MACROD2: variants seen among roughly 807,000 people sequenced by gnomAD.
The protein encoded by MACROD2 is ADP-ribose glycohydrolase MACROD2.
Under a neutral mutation model 70.4 loss-of-function variants are expected in MACROD2, and 36 were observed. The observed-to-expected ratio is 0.51, with a 90% confidence interval of 0.39 to 0.68. The LOEUF (loss-of-function observed/expected upper bound fraction) is 0.68. Among genes scored for constraint, MACROD2 ranks in the 30% least tolerant of loss-of-function variants. MACROD2 has a pLI of 0.00. For missense variants in MACROD2, 496 were observed against 538.4 expected (o/e 0.92, Z 0.78); for synonymous variants, 172 against 178.8 (o/e 0.96, Z 0.30).
chr20:15,163,834 G>A (rs2076364537), intron 5 of MACROD2, among the ~76,000 whole-genome samples: 1 of 151,964 alleles, frequency 6.6e-6, no homozygotes, highest in Admixed American at 6.6e-5. Flanking sequence ...ATAGGCCATA[G>A]AGAAAAGTCC....
intron 8 of MACROD2, among the ~76,000 whole-genome samples, chr20:15,637,293 T>A (rs2049384981): frequency 6.6e-6 from 1 of 152,208 alleles, no homozygotes; most frequent in Admixed American, 6.5e-5. Context: ...TAGGGGTAAG[T>A]GTGAAATCAA....
At chr20:15,643,638 A>G (rs751252343) in intron 8 of MACROD2, among the ~76,000 whole-genome samples, 52 of 152,230 alleles carry the variant, frequency 3.4e-4, no homozygotes, top group Admixed American at 1.8e-3. Context: ...TATGATAAAT[A>G]TTTAATGAAT....
At chr20:15,832,549 C>T (rs1490570542) in intron 8 of MACROD2, among the ~76,000 whole-genome samples, 3 of 152,204 alleles carry the variant, frequency 2.0e-5, no homozygotes, top group South Asian at 4.1e-4. Flanking sequence ...GCCATTGCCA[C>T]AGGTGCCCCT....
intron 8 of MACROD2, among the ~76,000 whole-genome samples, chr20:15,554,546 CAA>C (rs201068996): frequency 4.9e-4 from 44 of 89,742 alleles, no homozygotes; most frequent in Non-Finnish European, 5.5e-4. Flanking sequence ...CCTATTTGGC[CAA>C]AAAAAAAAAA....
intron 5 of MACROD2, among the ~76,000 whole-genome samples, chr20:14,691,304 C>T (rs1475537659): frequency 6.6e-6 from 1 of 152,172 alleles, no homozygotes; most frequent in African/African-American, 2.4e-5. Context: ...TTATTCAGAT[C>T]AAAGTTGATA....
intron 8 of MACROD2, among the ~76,000 whole-genome samples, chr20:15,735,541 T>A (rs920798439): frequency 1.3e-5 from 2 of 152,204 alleles, no homozygotes; most frequent in East Asian, 1.9e-4. Context: ...GCTGTTTCAT[T>A]TGAAACAGTT....
chr20:15,509,352 A>G (rs377320987), intron 8 of MACROD2, among the ~76,000 whole-genome samples: 1 of 152,208 alleles, frequency 6.6e-6, no homozygotes, highest in African/African-American at 2.4e-5. Context: ...GCCAGTGCTG[A>G]GGAGAGACTA....
intron 7 of MACROD2, among the ~76,000 whole-genome samples, chr20:15,452,627 T>A (rs1439329085): frequency 6.6e-6 from 1 of 152,178 alleles, no homozygotes; most frequent in Non-Finnish European, 1.5e-5. Context: ...ATAATAACGC[T>A]GCCTCTGTTC....
intron 5 of MACROD2, among the ~76,000 whole-genome samples, chr20:14,840,792 A>G (rs894142244): frequency 1.3e-5 from 2 of 152,102 alleles, no homozygotes; most frequent in African/African-American, 4.8e-5. Context: ...CTCTTATCTG[A>G]AAGCTCATCA....
intron 4 of MACROD2, among the ~76,000 whole-genome samples, chr20:14,652,948 A>G (rs966321234): frequency 3.3e-5 from 5 of 152,148 alleles, no homozygotes; most frequent in Non-Finnish European, 4.4e-5. Context: ...TATGGTGAGG[A>G]CTAAGGTTTA....
At chr20:15,380,769 C>CA (rs1489811008) in intron 6 of MACROD2, among the ~76,000 whole-genome samples, 7 of 152,064 alleles carry the variant, frequency 4.6e-5, no homozygotes, top group African/African-American at 1.7e-4. Context: ...ATTTCAACTT[C>CA]AAAAATTGAG....
intron 3 of MACROD2, among the ~76,000 whole-genome samples, chr20:14,482,009 C>T (rs1243133536): frequency 1.3e-5 from 2 of 152,156 alleles, no homozygotes; most frequent in Non-Finnish European, 2.9e-5. Flanking sequence ...AGCTGGTCCA[C>T]TGGCTTGGTG....
At chr20:16,015,141 C>A (rs1429308651) in intron 15 of MACROD2, among the ~76,000 whole-genome samples, 4 of 152,034 alleles carry the variant, frequency 2.6e-5, no homozygotes, top group Non-Finnish European at 5.9e-5. Flanking sequence ...GTATAGAAAC[C>A]TGGTCATTTG....
intron 3 of MACROD2, among the ~76,000 whole-genome samples, chr20:14,468,003 A>C (rs1201967286): frequency 2.0e-5 from 3 of 151,996 alleles, no homozygotes; most frequent in Admixed American, 2.0e-4. Context: ...GTTCTTTTGC[A>C]TTTACTGATG....
chr20:15,260,981 T>G (rs576359763), intron 6 of MACROD2, among the ~76,000 whole-genome samples: 1 of 152,130 alleles, frequency 6.6e-6, no homozygotes, highest in Non-Finnish European at 1.5e-5. Flanking sequence ...TATTCAATCT[T>G]GCAGTATTTT....
At chr20:15,782,978 AT>A (rs1444052128) in intron 8 of MACROD2, among the ~76,000 whole-genome samples, 3 of 151,880 alleles carry the variant, frequency 2.0e-5, no homozygotes. Context: ...AATTCAATTT[AT>A]TTTCCTAGCT....
chr20:14,987,107 G>GA (rs1407817820), intron 5 of MACROD2, among the ~76,000 whole-genome samples: 7 of 151,958 alleles, frequency 4.6e-5, no homozygotes, highest in Non-Finnish European at 8.8e-5. Flanking sequence ...AATGCCATAG[G>GA]AAAAAAGTTA....
Position 15,151,384 on chromosome 20 carries a change from G to A in MACROD2, c.419-78556G>A, listed in dbSNP as rs887585049. Among the ~76,000 whole-genome samples, 43 of 152,166 alleles carry A rather than the reference G, an allele frequency of 2.8e-4. 1 individual carries two copies. Among genetic ancestry groups the A allele is most frequent in the African/African-American group, 1.0e-3 (43 of 41,466 alleles). On this transcript the variant is annotated intron_variant, in intron 5 of 17. Transcript: ENST00000684519. ...CTTGTGTGCTGGAGATGTGGCTGGG[G>A]TTTGTCTCACAGTGGAGGCAAGGAA... is the stretch of plus-strand genomic sequence containing the variant.
rs765447711 is a variant in MACROD2, at chr20:15,499,862, A to T, written c.645+15A>T. The stretch of plus-strand genomic sequence containing the variant: ...ATCACCATGAGGTAGGAGGAACGAC[A>T]TAATCAGTGAACATCCAAGATGATG... On this transcript the variant is annotated intron_variant, in intron 8 of 17. Coordinates refer to ENST00000684519, the MANE Select transcript of MACROD2 (RefSeq NM_001351661.2). The T allele has an allele frequency of 4.3e-6, 7 of 1,609,752 alleles. No individual in the cohort carries two copies. In the South Asian group the frequency reaches 7.7e-5, roughly 18 times the overall value.
Sources: gnomAD v4.1 joint callset for allele counts (sites outside exome capture counted in the v4.1 genomes callset) on GRCh38, gnomAD v4.1.1 for gene constraint, MANE v1.5 for transcripts, NCBI Gene and HGNC (gene_info 2026-07-23, HGNC 2026-07-21) for gene names.